CPNE2: variants seen among roughly 807,000 people sequenced by gnomAD.
CPNE2 encodes copine 2.
CPNE2 carries 42 observed loss-of-function variants against 69.7 expected under a neutral mutation model. The ratio of observed to expected loss-of-function variants is 0.60; its 90% CI spans 0.47 to 0.78. CPNE2 has a LOEUF of 0.78. CPNE2 is among the 30% of genes least tolerant of loss of function. The pLI is 0.00. For synonymous variants in CPNE2, 294 were observed against 289.8 expected (o/e 1.01, Z -0.15); for missense variants, 587 against 732.0 (o/e 0.80, Z 2.29).
In CPNE2 at chr16:57,121,672, A is replaced by C; in HGVS notation, c.781-2A>C. On this transcript the variant is annotated splice_acceptor_variant, in intron 8 of 15. Coordinates refer to ENST00000290776, the MANE Select transcript of CPNE2 (RefSeq NM_152727.6). LOFTEE classifies it high-confidence loss of function. ...AGTGTCTCTTTCTTTTGCGTTGCCC[A>C]GCTGGAGTTCGAGTGCATCAACCCC... The C allele has an allele frequency of 1.9e-6, 3 of 1,614,088 alleles. No individual in the cohort carries two copies. The highest frequency in any genetic ancestry group is 2.5e-6 in the Non-Finnish European group (3 of 1,179,976).
chr16:57,127,389 G>A (rs1160271876), intron 11 of CPNE2, among the ~76,000 whole-genome samples: 2 of 152,176 alleles, frequency 1.3e-5, no homozygotes, highest in African/African-American at 2.4e-5. Context: ...GGGCGTGGGT[G>A]GAAGGAGATA....
chr16:57,113,031 T>G, intron 2 of CPNE2: 1 of 395,814 alleles, frequency 2.5e-6, no homozygotes, highest in South Asian at 3.2e-5. Flanking sequence ...GAATTAAGAG[T>G]GTGGGTAGCA....
intron 1 of CPNE2, among the ~76,000 whole-genome samples, chr16:57,102,619 TGA>T (rs1597489981): frequency 6.6e-6 from 1 of 151,570 alleles, no homozygotes; most frequent in Non-Finnish European, 1.5e-5. Context: ...TTTTTTTTTT[TGA>T]GAGAGGGTCT....
intron 12 of CPNE2, among the ~76,000 whole-genome samples, chr16:57,129,791 C>T (rs1363789877): frequency 1.3e-5 from 2 of 152,176 alleles, no homozygotes; most frequent in Non-Finnish European, 2.9e-5. Flanking sequence ...TGCACTCCAG[C>T]CTGGGCAACA....
Position 57,147,799 on chromosome 16 carries a change from C to T in CPNE2, c.*141C>T, listed in dbSNP as rs2069971516. On this transcript the variant is annotated 3_prime_UTR_variant, in exon 16 of 16. Transcript: ENST00000290776. ...TTTACAACCGGACCTCCACCCCCAA[C>T]TTCCTCCAGCCCAGCTGGGCTTCCT... 4.0e-6 allele frequency: 2 copies of T among 498,838 alleles called. No individual in the cohort carries two copies. Among genetic ancestry groups the T allele is most frequent in the African/African-American group, 3.9e-5 (2 of 51,604 alleles). 30.9% of individuals were successfully genotyped at this position (498,838 alleles called of 1,614,324 possible).
At chr16:57,120,869 G>A (rs1202748338) in intron 7 of CPNE2, among the ~76,000 whole-genome samples, 1 of 152,088 alleles carries the variant, frequency 6.6e-6, no homozygotes, top group African/African-American at 2.4e-5. Flanking sequence ...TGCACTAGAG[G>A]GTACAGCCTC....
intron 12 of CPNE2, among the ~76,000 whole-genome samples, chr16:57,132,601 C>G (rs1451386256): frequency 6.6e-6 from 1 of 152,204 alleles, no homozygotes; most frequent in Non-Finnish European, 1.5e-5. Flanking sequence ...AATAGGGAGT[C>G]CCAGGACAAA....
Position 57,146,568 on chromosome 16 carries a change from C to T in CPNE2, c.1539+247C>T, listed in dbSNP as rs1371746624. ...GAACATGGAGCCGTGGGCATCTAGC[C>T]TGAGGCTCTGGGGCAGGGCTTCCTG... On this transcript the variant is annotated intron_variant, in intron 15 of 15. Transcript: ENST00000290776. The surrounding 1 kb of genome is among the most constrained non-coding windows in gnomAD (Gnocchi z 4.4). 9.9e-6 allele frequency: 5 copies of T among 506,982 alleles called. No individual in the cohort carries two copies. The highest frequency in any genetic ancestry group is 3.6e-5 in the Admixed American group (1 of 28,158). 31.4% of individuals were successfully genotyped at this position (506,982 alleles called of 1,614,324 possible).
intron 13 of CPNE2, among the ~76,000 whole-genome samples, chr16:57,135,914 G>A (rs1252406166): frequency 3.5e-5 from 5 of 143,504 alleles, no homozygotes; most frequent in Non-Finnish European, 6.1e-5. Context: ...GAGAAAGAAA[G>A]GAAAGAGAGA....
chr16:57,112,120 G>A (rs1352330528), intron 2 of CPNE2, among the ~76,000 whole-genome samples: 2 of 152,198 alleles, frequency 1.3e-5, no homozygotes, highest in African/African-American at 4.8e-5. Flanking sequence ...TTTACAAAGA[G>A]TTCCCATGGA....
intron 2 of CPNE2, 146 bp downstream of exon 2, chr16:57,111,068 C>T (rs1351015142): frequency 2.4e-6 from 1 of 425,520 alleles, no homozygotes; most frequent in Non-Finnish European, 4.0e-6. Context: ...TAAATTGTTA[C>T]TCTTAAAATG....
At chr16:57,109,067 A>G (rs2069664408) in intron 1 of CPNE2, among the ~76,000 whole-genome samples, 1 of 152,200 alleles carries the variant, frequency 6.6e-6, no homozygotes, top group Admixed American at 6.5e-5. Context: ...GTGAATTTTT[A>G]ATGTTACTGT....
intron 1 of CPNE2, chr16:57,093,925 T>G (rs1445892275): frequency 2.5e-6 from 1 of 398,986 alleles, no homozygotes; most frequent in Non-Finnish European, 5.0e-6. Context: ...GAGACCTGGG[T>G]CTGAACCCCA....
chr16:57,115,372 G>C (rs1273871624), intron 3 of CPNE2, 104 bp from the exon 4 acceptor site: 47 of 873,566 alleles, frequency 5.4e-5, no homozygotes, highest in Non-Finnish European at 7.4e-5. Context: ...GCCAGGGCGG[G>C]GTGCAGCCCT....
chr16:57,098,567 G>A (rs1359867518), intron 1 of CPNE2, among the ~76,000 whole-genome samples: 2 of 152,204 alleles, frequency 1.3e-5, no homozygotes, highest in African/African-American at 2.4e-5. Context: ...GGAAAGTGGG[G>A]CCAGATAAAC....
intron 14 of CPNE2, chr16:57,145,844 G>T: frequency 5.5e-6 from 3 of 550,206 alleles, no homozygotes; most frequent in Non-Finnish European, 9.8e-6. Context: ...AACACACAGG[G>T]CAGGAGGGGA....
chr16:57,127,996 G>C, intron 12 of CPNE2, 93 bp downstream of exon 12: 1 of 1,320,246 alleles, frequency 7.6e-7, no homozygotes, highest in Admixed American at 1.8e-5. Flanking sequence ...CTTGGGCTGG[G>C]GCCCTGTTGC....
At chr16:57,118,691 T>TGG (rs1567668550) in intron 5 of CPNE2, among the ~76,000 whole-genome samples, 1,660 of 149,724 alleles carry the variant, frequency 0.011, 24 homozygotes, top group African/African-American at 0.031. Flanking sequence ...GATGGATGGA[T>TGG]AGATAGATAG....
intron 3 of CPNE2, 41 bp from the exon 4 acceptor site, chr16:57,115,435 C>CCCGCTTCCT: frequency 6.6e-7 from 1 of 1,517,842 alleles, no homozygotes; most frequent in Non-Finnish European, 9.1e-7. Context: ...CCGGGCTTCC[C>CCCGCTTCCT]CCGCTTCCTC....
Sources: allele counts gnomAD v4.1 joint callset (sites outside exome capture counted in the v4.1 genomes callset), GRCh38; gene constraint gnomAD v4.1.1; non-coding constraint Gnocchi (gnomAD v3.1); transcripts MANE v1.5; gene names NCBI Gene and HGNC (gene_info 2026-07-23, HGNC 2026-07-21).